SHANK2: variants seen among roughly 807,000 people sequenced by gnomAD.
SHANK2 encodes the protein SH3 and multiple ankyrin repeat domains protein 2.
A neutral mutation model predicts 133.7 loss-of-function variants in SHANK2; 43 were observed. That is an observed-to-expected ratio of 0.32 (90% confidence interval 0.25 to 0.41). The LOEUF (loss-of-function observed/expected upper bound fraction) is 0.41. SHANK2 is among the 10% of genes least tolerant of loss of function. The pLI is 1.00. For synonymous variants in SHANK2, 1,017 were observed against 952.8 expected, an observed-to-expected ratio of 1.07 and a Z score of -1.24; for missense variants, 1,994 against 2,235.8, an observed-to-expected ratio of 0.89 and a Z score of 2.18.
intron 10 of SHANK2, among the ~76,000 whole-genome samples, chr11:70,918,854 T>C (rs1460009332): frequency 3.9e-5 from 6 of 152,144 alleles, no homozygotes; most frequent in Admixed American, 1.3e-4. Context: ...ACACTGATGG[T>C]GTACAACATG....
At chr11:71,068,119 C>T (rs1951092183) in intron 9 of SHANK2, among the ~76,000 whole-genome samples, 1 of 152,170 alleles carries the variant, frequency 6.6e-6, no homozygotes, top group South Asian at 2.1e-4. Context: ...CCTGCCGTCA[C>T]TCACCATGAA....
intron 17 of SHANK2, among the ~76,000 whole-genome samples, chr11:70,605,267 C>CG (rs1194825114): frequency 6.6e-6 from 1 of 152,224 alleles, no homozygotes; most frequent in Non-Finnish European, 1.5e-5. Context: ...TTGTGAGCCC[C>CG]GGGGGTGGGA....
intron 8 of SHANK2, among the ~76,000 whole-genome samples, chr11:71,085,431 G>C (rs1194320431): frequency 2.2e-5 from 3 of 138,652 alleles, no homozygotes; most frequent in Admixed American, 8.1e-5. Context: ...ACCCCAGCCT[G>C]GGCAACAGAG....
intron 10 of SHANK2, among the ~76,000 whole-genome samples, chr11:70,925,043 C>T (rs537005723): frequency 6.1e-4 from 93 of 152,216 alleles, no homozygotes; most frequent in African/African-American, 2.1e-3. Flanking sequence ...CTCCACCAAG[C>T]GGTCAGGAAA....
intron 14 of SHANK2, among the ~76,000 whole-genome samples, chr11:70,795,184 G>A (rs917440481): frequency 1.3e-5 from 2 of 152,022 alleles, no homozygotes; most frequent in African/African-American, 4.8e-5. Context: ...GGAGAGTTCT[G>A]ATGTTCATTT....
In SHANK2 at chr11:70,486,556, G is replaced by C. The variant is rs1565528543; in HGVS notation, c.3737C>G (p.Pro1246Arg). 6.2e-7 allele frequency: 1 copy of C among 1,614,138 alleles called. No homozygotes were observed. Reference sequence around the variant, plus strand: ...CCGCATTTTGGTATCAATGTAAAGAGGTTTGTTGAGGTCGGCCTTGGGGGC... The same window carrying C: ...CCGCATTTTGGTATCAATGTAAAGACGTTTGTTGAGGTCGGCCTTGGGGGC... Reference protein sequence around the residue: ...GEAPKADLNKPLYIDTKMRPS... With the variant: ...GEAPKADLNKRLYIDTKMRPS... Residue 1246 changes from proline (P) to arginine (R), a missense_variant, in exon 25 of 26, where the codon CCT becomes CGT. Physicochemically the swap from Pro to Arg is moderately radical, Grantham distance 103. Coordinates refer to ENST00000601538, the MANE Select transcript of SHANK2 (RefSeq NM_012309.5). The surrounding 1 kb of genome is among the most constrained non-coding windows in gnomAD (Gnocchi z 8.0).
At chr11:70,693,296 C>G (rs1395610910) in intron 15 of SHANK2, among the ~76,000 whole-genome samples, 2 of 152,216 alleles carry the variant, frequency 1.3e-5, no homozygotes, top group African/African-American at 4.8e-5. Context: ...GAAGACCCAA[C>G]TCTTTTCATG....
At chr11:70,542,706 G>T (rs886926789) in intron 17 of SHANK2, among the ~76,000 whole-genome samples, 11 of 152,162 alleles carry the variant, frequency 7.2e-5, no homozygotes, top group Non-Finnish European at 1.5e-4. Context: ...AAGTCATGTG[G>T]GCCTGAGTGG....
chr11:70,722,049 G>C (rs1946084984), intron 14 of SHANK2, among the ~76,000 whole-genome samples: 1 of 152,226 alleles, frequency 6.6e-6, no homozygotes, highest in South Asian at 2.1e-4. Context: ...TTCCCGTCCA[G>C]TGGCACCCAA....
chr11:70,555,067 T>C (rs781898746), intron 17 of SHANK2, among the ~76,000 whole-genome samples: 10 of 152,158 alleles, frequency 6.6e-5, no homozygotes, highest in Non-Finnish European at 1.2e-4. Context: ...ATCTGTGATC[T>C]ATACTTTTTG....
chr11:70,543,026 G>A (rs1010161051), intron 17 of SHANK2, among the ~76,000 whole-genome samples: 4 of 152,150 alleles, frequency 2.6e-5, no homozygotes, highest in Admixed American at 6.5e-5. Flanking sequence ...GGCGGCATGC[G>A]CTGGGTGAGG....
intron 11 of SHANK2, among the ~76,000 whole-genome samples, chr11:70,883,779 A>G (rs1424918738): frequency 6.6e-6 from 1 of 152,196 alleles, no homozygotes; most frequent in East Asian, 1.9e-4. Flanking sequence ...GGGCTAGGAC[A>G]TGTGCCCTGA....
rs1555114889 is a variant in SHANK2 at position 71,188,805 on chromosome 11, G to A, written c.-13+35892C>T. 1.3e-5 allele frequency among the ~76,000 whole-genome samples: 2 copies of A among 152,188 alleles called. No individual in the cohort carries two copies. The highest frequency in any genetic ancestry group is 2.4e-5 in the African/African-American group (1 of 41,456). ...ATAACTACGACCACCTCCAAATGGA[G>A]CTAAGGCCTACGTGGTTTCTCAGGG... On this transcript the variant is annotated intron_variant, in intron 2 of 25. Transcript: ENST00000601538. This position sits in a 1 kb window ranked among gnomAD's most constrained non-coding sequence, Gnocchi z 4.6.
At chr11:70,697,427 G>A (rs550675887) in intron 15 of SHANK2, among the ~76,000 whole-genome samples, 20 of 152,314 alleles carry the variant, frequency 1.3e-4, no homozygotes, top group East Asian at 9.6e-4. Flanking sequence ...CCATCTACGC[G>A]CAGCACCGAG....
intron 17 of SHANK2, among the ~76,000 whole-genome samples, chr11:70,514,530 G>T (rs1269719876): frequency 6.6e-6 from 1 of 152,182 alleles, no homozygotes; most frequent in African/African-American, 2.4e-5. Flanking sequence ...ACTGATTTTG[G>T]GGTTTACAAG....
intron 14 of SHANK2, among the ~76,000 whole-genome samples, chr11:70,792,787 A>G (rs1026633904): frequency 6.6e-6 from 1 of 152,186 alleles, no homozygotes; most frequent in Non-Finnish European, 1.5e-5. Context: ...TTCAGCATCA[A>G]AAAAAGCTAC....
intron 12 of SHANK2, among the ~76,000 whole-genome samples, chr11:70,811,544 C>G (rs1399009698): frequency 2.6e-5 from 4 of 151,934 alleles, no homozygotes; most frequent in Admixed American, 6.6e-5. Flanking sequence ...CACTCATCCA[C>G]CCACTATCCA....
intron 1 of SHANK2, among the ~76,000 whole-genome samples, chr11:71,247,125 G>C (rs1954970721): frequency 6.6e-6 from 1 of 152,298 alleles, no homozygotes; most frequent in South Asian, 2.1e-4. Flanking sequence ...CTTTGGGGAA[G>C]TGGCTGTATA....
intron 14 of SHANK2, among the ~76,000 whole-genome samples, chr11:70,762,724 CT>C (rs1555040506): frequency 6.6e-6 from 1 of 152,200 alleles, no homozygotes; most frequent in Admixed American, 6.5e-5. Context: ...GCAGGTGCCC[CT>C]GGGTCCTCTC....
Sources: allele counts gnomAD v4.1 joint callset (sites outside exome capture counted in the v4.1 genomes callset), GRCh38; gene constraint gnomAD v4.1.1; non-coding constraint Gnocchi (gnomAD v3.1); transcripts MANE v1.5; gene names NCBI Gene and HGNC (gene_info 2026-07-23, HGNC 2026-07-21).